VPS26A: variants seen among roughly 807,000 people sequenced by gnomAD.
VPS26A encodes the protein vacuolar protein sorting-associated protein 26A.
VPS26A carries 22 observed loss-of-function variants against 42.4 expected under a neutral mutation model. The observed-to-expected ratio is 0.52, with a 90% confidence interval of 0.37 to 0.74. VPS26A has a LOEUF of 0.74. Ranked by LOEUF, VPS26A falls within the 30% of genes least tolerant of loss-of-function variation. The probability of loss-of-function intolerance (pLI) is 0.00; values close to 1 mark genes in which losing one functional copy is unlikely to be tolerated. For missense variants in VPS26A, 276 were observed against 379.2 expected, an observed-to-expected ratio of 0.73 and a Z score of 2.26; for synonymous variants, 110 against 123.5, an observed-to-expected ratio of 0.89 and a Z score of 0.73.
At chr10:69,126,235 C>G (rs1006121433) in intron 1 of VPS26A, among the ~76,000 whole-genome samples, 3 of 59,914 alleles carry the variant, frequency 5.0e-5, no homozygotes, top group African/African-American at 1.0e-4. Flanking sequence ...CCGAGGTGGG[C>G]GGATCACCTT....
chr10:69,128,795 G>A (rs1381366961), intron 1 of VPS26A, among the ~76,000 whole-genome samples: 4 of 151,114 alleles, frequency 2.6e-5, no homozygotes, highest in Non-Finnish European at 5.9e-5. Context: ...AGGAGTTTGC[G>A]CCTGGCCTGG....
At chr10:69,133,690 G>A (rs561248759) in intron 2 of VPS26A, 3 of 1,054,026 alleles carry the variant, frequency 2.8e-6, no homozygotes, top group African/African-American at 3.3e-5. Flanking sequence ...GTTTTGTTTT[G>A]TTTCGTTTTT....
chr10:69,155,960 A>T lies in VPS26A; in HGVS notation c.229+73A>T, dbSNP rs1215258255. The T allele has an allele frequency of 3.5e-6, 4 of 1,155,678 alleles. No individual in the cohort carries two copies. The Admixed American group carries it at 8.4e-5, about 24-fold the overall frequency. The allele number at this position is 1,155,678 out of a possible 1,614,324, so 71.6% of individuals were successfully genotyped here. On this transcript the variant is annotated intron_variant, in intron 3 of 8. Coordinates refer to ENST00000263559, the MANE Select transcript of VPS26A (RefSeq NM_004896.5). ...GAAGAGGGTTGGATTTTGCACCAAA[A>T]TAATTGAATTAGAGCTTAGCTTTGT...
intron 2 of VPS26A, among the ~76,000 whole-genome samples, chr10:69,138,110 T>C (rs551492815): frequency 1.3e-5 from 2 of 152,312 alleles, no homozygotes; most frequent in African/African-American, 4.8e-5. Flanking sequence ...AATGGAATTA[T>C]ACAATGTGTG....
At chr10:69,159,700 A>G (rs948663371) in intron 5 of VPS26A, among the ~76,000 whole-genome samples, 8 of 152,216 alleles carry the variant, frequency 5.3e-5, no homozygotes, top group African/African-American at 1.9e-4. Flanking sequence ...AAATATAACT[A>G]CAATACTCTT....
chr10:69,150,032 A>G (rs530316713), intron 2 of VPS26A, among the ~76,000 whole-genome samples: 1 of 151,618 alleles, frequency 6.6e-6, no homozygotes, highest in Non-Finnish European at 1.5e-5. Context: ...GGCGTGAGCT[A>G]CTGCACCTGG....
At position 69,173,595 on chromosome 10, in the gene VPS26A, CT is replaced by C. The variant is rs754562137; in HGVS notation, c.*2327del. On this transcript the variant is annotated 3_prime_UTR_variant, in exon 9 of 9. Coordinates refer to ENST00000263559, the MANE Select transcript of VPS26A (RefSeq NM_004896.5). ...TTGCGTGGGGACTTGGAGAACTTTT[CT>C]GTCTTACAAGGGGATTGTAGAATGC... is the stretch of plus-strand genomic sequence containing the variant. 2.6e-5 allele frequency among the ~76,000 whole-genome samples: 4 copies of C among 152,206 alleles called. No homozygotes were observed. The highest frequency in any genetic ancestry group is 5.9e-5 in the Non-Finnish European group (4 of 68,036).
At chr10:69,154,560 T>C (rs954685686) in intron 2 of VPS26A, among the ~76,000 whole-genome samples, 1 of 151,138 alleles carries the variant, frequency 6.6e-6, no homozygotes, top group African/African-American at 2.4e-5. Context: ...GAATTCTATA[T>C]AGATCTTAAA....
At position 69,162,466 on chromosome 10, in the gene VPS26A, A is replaced by G. The variant is rs903531427; in HGVS notation, c.612A>G (p.Ile204Met). 4 of 1,574,780 alleles carry G rather than the reference A, an allele frequency of 2.5e-6. No homozygotes were observed. The African/African-American group carries it at 5.4e-5, about 21-fold the overall frequency. Reference sequence around the variant, plus strand: ...ACTTCTTATTAGTAAGAATAAAAATACAACATATGGAGTTACAGCTGATCA... The same window carrying G: ...ACTTCTTATTAGTAAGAATAAAAATGCAACATATGGAGTTACAGCTGATCA... ...KIYFLLVRIKIQHMELQLIKK... is the reference protein window; with the variant it reads ...KIYFLLVRIKMQHMELQLIKK... The change falls in exon 6 of 9, where the codon ATA (isoleucine) becomes ATG (methionine). Residue 204 changes from isoleucine (I) to methionine (M), a missense_variant. Physicochemically the swap from Ile to Met is conservative, Grantham distance 10 (BLOSUM62 1). Coordinates refer to ENST00000263559, the MANE Select transcript of VPS26A (RefSeq NM_004896.5).
intron 8 of VPS26A, among the ~76,000 whole-genome samples, 200 bp downstream of exon 8, chr10:69,168,831 T>A (rs905614594): frequency 9.2e-5 from 14 of 152,220 alleles, no homozygotes; most frequent in Non-Finnish European, 2.1e-4. Flanking sequence ...TACTCCAGAA[T>A]GAGCTATAAT....
intron 2 of VPS26A, among the ~76,000 whole-genome samples, chr10:69,148,754 ATTT>A (rs34136399): frequency 4.6e-4 from 62 of 133,700 alleles, no homozygotes; most frequent in South Asian, 7.1e-4. Flanking sequence ...AGCAGAGAGT[ATTT>A]TTTTTTTTTT....
chr10:69,125,673 A>G (rs1034982372), intron 1 of VPS26A, among the ~76,000 whole-genome samples: 1 of 152,252 alleles, frequency 6.6e-6, no homozygotes, highest in Non-Finnish European at 1.5e-5. Context: ...ACCCAAACAG[A>G]AACTAAATTG....
At chr10:69,164,053 C>T (rs913684912) in intron 6 of VPS26A, among the ~76,000 whole-genome samples, 3 of 152,112 alleles carry the variant, frequency 2.0e-5, no homozygotes, top group Non-Finnish European at 4.4e-5. Flanking sequence ...AAGCGTGAGC[C>T]ACCGCGCCCG....
intron 2 of VPS26A, among the ~76,000 whole-genome samples, chr10:69,153,512 AT>A (rs34345019): frequency 0.019 from 2,668 of 139,246 alleles, 64 homozygotes; most frequent in African/African-American, 0.063. Flanking sequence ...TACCCAGCTA[AT>A]TTTTTTTTTT....
At position 69,173,575 on chromosome 10, in the gene VPS26A, TG is replaced by T. The variant is rs1841866030; in HGVS notation, c.*2310del. On this transcript the variant is annotated 3_prime_UTR_variant, in exon 9 of 9. Transcript: ENST00000263559. ...AAGCCAGCTGGACTTCTGAGTTGCG[TG>T]GGGACTTGGAGAACTTTTCTGTCTT... Among the ~76,000 whole-genome samples the T allele has an allele frequency of 6.6e-6, 1 of 152,176 alleles. No individual in the cohort carries two copies. Among genetic ancestry groups the T allele is most frequent in the South Asian group, 2.1e-4 (1 of 4,832 alleles).
At chr10:69,124,721 A>G (rs1002437149) in intron 1 of VPS26A, among the ~76,000 whole-genome samples, 6 of 152,226 alleles carry the variant, frequency 3.9e-5, no homozygotes, top group African/African-American at 1.2e-4. Flanking sequence ...TCAGTGTGTC[A>G]CGAACTTGAT....
intron 8 of VPS26A, among the ~76,000 whole-genome samples, chr10:69,169,883 A>G (rs1341172673): frequency 6.6e-6 from 1 of 152,226 alleles, no homozygotes; most frequent in Non-Finnish European, 1.5e-5. Context: ...TGCTGGGATT[A>G]CAGGAATGAG....
chr10:69,158,020 C>T, intron 4 of VPS26A, 27 bp from the exon 5 acceptor site: 1 of 1,557,954 alleles, frequency 6.4e-7, no homozygotes, highest in Non-Finnish European at 8.7e-7. Context: ...GGTGATTTAA[C>T]TCATCGACTC....
Position 69,171,409 on chromosome 10 carries a change from C to T in VPS26A, c.*140C>T, listed in dbSNP as rs1020589053. On this transcript the variant is annotated 3_prime_UTR_variant, in exon 9 of 9. Transcript: ENST00000263559. ...ATGTTAGTCTTCCTTTATCTTACAG[C>T]GCAGCATTTATTTTATGATATAATG... The T allele has an allele frequency of 1.5e-5, 9 of 611,326 alleles. No homozygotes were observed. The highest frequency in any genetic ancestry group is 3.6e-5 in the Admixed American group (1 of 27,864). 37.9% of individuals were successfully genotyped at this position (611,326 alleles called of 1,614,324 possible). A position where few individuals can be genotyped will look rare whatever the true frequency, so the allele number is the denominator to read the frequency against.
Sources: allele counts gnomAD v4.1 joint callset (sites outside exome capture counted in the v4.1 genomes callset), GRCh38; gene constraint gnomAD v4.1.1; transcripts MANE v1.5; gene names NCBI Gene and HGNC (gene_info 2026-07-23, HGNC 2026-07-21).